Variants in ZFAND3 observed in about 807,000 individuals in gnomAD.
ZFAND3 encodes the protein AN1-type zinc finger protein 3.
Under a neutral mutation model 29.6 loss-of-function variants are expected in ZFAND3, and 10 were observed. That is an observed-to-expected ratio of 0.34 (90% CI 0.21 to 0.57). ZFAND3 has a LOEUF of 0.57. ZFAND3 is among the 20% of genes least tolerant of loss of function. The pLI, the probability that ZFAND3 is intolerant of heterozygous loss-of-function variation, is 0.86. For missense variants in ZFAND3, 230 were observed against 304.5 expected (o/e 0.76, Z 1.82); for synonymous variants, 128 against 112.6 (o/e 1.14, Z -0.87).
At chr6:38,083,902 G>A (rs144477073) in intron 4 of ZFAND3, among the ~76,000 whole-genome samples, 4 of 152,156 alleles carry the variant, frequency 2.6e-5, no homozygotes, top group African/African-American at 4.8e-5. Flanking sequence ...GATATTTATT[G>A]TATGCTTACT....
intron 2 of ZFAND3, among the ~76,000 whole-genome samples, chr6:37,945,034 A>G (rs1257760770): frequency 6.6e-6 from 1 of 152,192 alleles, no homozygotes. Context: ...TTACACCAGT[A>G]TGGGTGCTCC....
intron 5 of ZFAND3, among the ~76,000 whole-genome samples, chr6:38,148,397 A>G (rs1368873148): frequency 6.6e-6 from 1 of 152,174 alleles, no homozygotes; most frequent in East Asian, 1.9e-4. Flanking sequence ...AGTTCTGTGT[A>G]CTCAGTGTTT....
chr6:38,041,664 CT>C lies in ZFAND3; in HGVS notation c.113-19927del, dbSNP rs1471623577. 9.1e-4 allele frequency among the ~76,000 whole-genome samples: 21 copies of C among 23,136 alleles called. 1 individual carries two copies. The highest frequency in any genetic ancestry group is 1.8e-3 in the Admixed American group (3 of 1,710). The allele number at this position is 23,136 out of a possible 152,430, so 15.2% of individuals were successfully genotyped here. On this transcript the variant is annotated intron_variant, in intron 2 of 5. Transcript: ENST00000287218. ...TCTTCTTCTTCTTCTTCTTCTTCTT[CT>C]TCTTCTTCTTCTTCTTCTTCTCCTT... is the stretch of plus-strand genomic sequence containing the variant.
chr6:37,983,147 A>G (rs1383545142), intron 2 of ZFAND3, among the ~76,000 whole-genome samples: 1 of 152,130 alleles, frequency 6.6e-6, no homozygotes, highest in Admixed American at 6.5e-5. Flanking sequence ...TATAAAAGTT[A>G]CAGTGAGCTA....
At chr6:37,872,003 C>T (rs1211291506) in intron 1 of ZFAND3, among the ~76,000 whole-genome samples, 1 of 152,180 alleles carries the variant, frequency 6.6e-6, no homozygotes, top group East Asian at 1.9e-4. Flanking sequence ...CATGGATCAG[C>T]TGGAGATTTG....
intron 1 of ZFAND3, among the ~76,000 whole-genome samples, chr6:37,821,024 T>C (rs1185535458): frequency 6.6e-6 from 1 of 152,228 alleles, no homozygotes; most frequent in African/African-American, 2.4e-5. Context: ...TTTATCGTTT[T>C]GTTTTAGTTT....
chr6:37,882,054 A>G (rs1245691306), intron 1 of ZFAND3, among the ~76,000 whole-genome samples: 1 of 152,150 alleles, frequency 6.6e-6, no homozygotes, highest in African/African-American at 2.4e-5. Flanking sequence ...TGAATTTTCC[A>G]GGTTCTCTAA....
intron 2 of ZFAND3, among the ~76,000 whole-genome samples, chr6:38,021,318 C>T: frequency 6.6e-6 from 1 of 152,186 alleles, no homozygotes; most frequent in East Asian, 1.9e-4. Flanking sequence ...CTACTGTGCC[C>T]TTTTTAAAAG....
intron 1 of ZFAND3, among the ~76,000 whole-genome samples, chr6:37,891,909 A>T (rs1016875640): frequency 2.7e-4 from 41 of 151,900 alleles, no homozygotes; most frequent in African/African-American, 9.4e-4. Context: ...TTTGTATTTT[A>T]GTAGAGATGG....
rs1765341443 is a variant in ZFAND3, at chr6:38,112,627, TG to T, written c.362-3942del. 5.3e-5 allele frequency among the ~76,000 whole-genome samples: 8 copies of T among 152,338 alleles called. No individual in the cohort carries two copies. The South Asian group carries it at 1.4e-3, about 28-fold the overall frequency. On this transcript the variant is annotated intron_variant, in intron 4 of 5. Transcript: ENST00000287218. ...CATTACAGGTTAATTTATTCAAATATGGGTAGTAGATGGTTGCTTTAATGTC... is the reference window on the plus strand; with the variant it reads ...CATTACAGGTTAATTTATTCAAATATGGTAGTAGATGGTTGCTTTAATGTC...
chr6:37,858,722 T>C (rs1053539486), intron 1 of ZFAND3, among the ~76,000 whole-genome samples: 4 of 152,220 alleles, frequency 2.6e-5, no homozygotes, highest in African/African-American at 9.6e-5. Flanking sequence ...TGAAACCTGT[T>C]AAACAAGGTG....
intron 3 of ZFAND3, chr6:38,062,266 A>T (rs1764256232): frequency 6.4e-6 from 1 of 155,222 alleles, no homozygotes; most frequent in Non-Finnish European, 1.4e-5. Context: ...CATTTAACTG[A>T]GATAGCACTA....
At chr6:37,868,105 C>G (rs906042289) in intron 1 of ZFAND3, among the ~76,000 whole-genome samples, 5 of 152,054 alleles carry the variant, frequency 3.3e-5, no homozygotes, top group African/African-American at 1.2e-4. Context: ...TTGAAATTTC[C>G]TTTAATTCTT....
chr6:38,031,284 CCTT>C (rs1467221001), intron 2 of ZFAND3, among the ~76,000 whole-genome samples: 2 of 152,172 alleles, frequency 1.3e-5, no homozygotes, highest in Admixed American at 6.5e-5. Flanking sequence ...GTTTCTTTCA[CCTT>C]CTGACTCATC....
intron 1 of ZFAND3, among the ~76,000 whole-genome samples, chr6:37,851,648 A>G (rs1764284224): frequency 6.6e-6 from 1 of 152,222 alleles, no homozygotes; most frequent in Non-Finnish European, 1.5e-5. Flanking sequence ...GAATCCTAAA[A>G]TAGAATTATT....
At chr6:37,945,439 A>G (rs1408839740) in intron 2 of ZFAND3, among the ~76,000 whole-genome samples, 2 of 152,172 alleles carry the variant, frequency 1.3e-5, no homozygotes, top group African/African-American at 4.8e-5. Context: ...TCTGTCTCCC[A>G]GGGTGGATTG....
intron 1 of ZFAND3, among the ~76,000 whole-genome samples, chr6:37,893,558 T>G (rs1483758079): frequency 6.6e-6 from 1 of 152,154 alleles, no homozygotes; most frequent in Non-Finnish European, 1.5e-5. Context: ...TTTGTTTGTT[T>G]GTTTGTTTTT....
intron 2 of ZFAND3, among the ~76,000 whole-genome samples, chr6:38,020,767 C>G (rs181795696): frequency 9.5e-4 from 145 of 152,240 alleles, no homozygotes; most frequent in African/African-American, 3.1e-3. Context: ...GGCTGATGAC[C>G]GTGGTGTTTG....
At chr6:38,115,968 C>T (rs1765409241) in intron 4 of ZFAND3, among the ~76,000 whole-genome samples, 1 of 152,058 alleles carries the variant, frequency 6.6e-6, no homozygotes, top group African/African-American at 2.4e-5. Flanking sequence ...GCAGAGGTGC[C>T]CCTTCATTCT....
Sources: allele counts gnomAD v4.1 joint callset (sites outside exome capture counted in the v4.1 genomes callset), GRCh38; gene constraint gnomAD v4.1.1; transcripts MANE v1.5; gene names NCBI Gene and HGNC (gene_info 2026-07-23, HGNC 2026-07-21).